CA5A: variants seen among roughly 807,000 people sequenced by gnomAD.
CA5A encodes carbonic anhydrase 5A.
In CA5A, 28 loss-of-function variants were observed where a neutral mutation model predicts 37.1. The ratio of observed to expected loss-of-function variants is 0.75; its 90% CI spans 0.56 to 1.03. The LOEUF (loss-of-function observed/expected upper bound fraction) is 1.03, where lower values mean the gene tolerates loss of function less well. Ranked by LOEUF, CA5A falls within the 50% of genes least tolerant of loss-of-function variation. CA5A has a pLI of 0.00. For missense variants in CA5A, 444 were observed against 399.9 expected, an observed-to-expected ratio of 1.11 and a Z score of -0.94; for synonymous variants, 171 against 158.4, an observed-to-expected ratio of 1.08 and a Z score of -0.60.
intron 5 of CA5A, among the ~76,000 whole-genome samples, chr16:87,896,384 C>G (rs2055803220): frequency 6.6e-6 from 1 of 152,208 alleles, no homozygotes; most frequent in African/African-American, 2.4e-5. Context: ...TGTCCTGTCT[C>G]TAAGATGCAT....
chr16:87,936,308 C>G lies in CA5A; in HGVS notation c.142+1G>C. On this transcript the variant is annotated splice_donor_variant, in intron 1 of 6. Transcript: ENST00000649794. LOFTEE classifies it high-confidence loss of function. The stretch of plus-strand genomic sequence containing the variant: ...CTTAGGAAATTTGAGGCTCTACTTA[C>G]AAGTGTTATTGCTGGTTTGCCATGC... The G allele has an allele frequency of 6.2e-7, 1 of 1,609,462 alleles. No homozygotes were observed. The highest frequency in any genetic ancestry group is 8.5e-7 in the Non-Finnish European group (1 of 1,176,184).
At chr16:87,883,783 C>A (rs150372542), downstream of CA5A, 3,446 of 151,692 alleles carry the variant, frequency 0.023, 31 homozygotes, top group African/African-American at 0.032. Flanking sequence ...ATTACAGGTG[C>A]CTGCCACCAC....
chr16:87,904,853 A>G lies in CA5A; in HGVS notation c.392T>C (p.Phe131Ser). ...CCCCTCGTTCACTGCTCCCCAGTGG[A>G]AGTGAAATTGCTTCAGTCTGTAGTG... ...ENHYRLKQFH[F>S]HWGAVNEGGS... is the part of the protein sequence containing the mutation. Residue 131 changes from phenylalanine (F) to serine (S), a missense_variant, in exon 3 of 7, where the codon TTC becomes TCC. Transcript: ENST00000649794. 1 of 1,613,602 alleles carries G rather than the reference A, an allele frequency of 6.2e-7. No homozygotes were observed. Among genetic ancestry groups the G allele is most frequent in the Non-Finnish European group, 8.5e-7 (1 of 1,179,540 alleles).
chr16:87,920,119 T>C lies in CA5A; in HGVS notation c.340+6629A>G, dbSNP rs544816815. On this transcript the variant is annotated intron_variant, in intron 2 of 6. Transcript: ENST00000649794. ...CTGAGTCACGAAGCATGGACGAGGC[T>C]GAGCTGCAGTCTGCACAGGTGGAGT... Among the ~76,000 whole-genome samples, 15 of 152,256 alleles carry C rather than the reference T, an allele frequency of 9.9e-5. No individual in the cohort carries two copies. In the South Asian group the frequency reaches 3.1e-3, roughly 32 times the overall value.
At chr16:87,912,567 C>T (rs1851593163) in intron 2 of CA5A, among the ~76,000 whole-genome samples, 4 of 152,340 alleles carry the variant, frequency 2.6e-5, no homozygotes, top group African/African-American at 9.6e-5. Flanking sequence ...CCGGGCACCA[C>T]GCTCAGTACA....
chr16:87,892,722 G>A (rs1161567360), intron 5 of CA5A, among the ~76,000 whole-genome samples: 1 of 144,898 alleles, frequency 6.9e-6, no homozygotes, highest in East Asian at 2.0e-4. Flanking sequence ...TGCCCAGGCT[G>A]GAGTGCAATG....
chr16:87,885,459 C>A (rs7201639), downstream of CA5A: 26,538 of 152,364 alleles, frequency 0.17, 2,469 homozygotes, highest in South Asian at 0.27. Flanking sequence ...CAGGAGACAC[C>A]TGGGCACACC....
intron 5 of CA5A, among the ~76,000 whole-genome samples, chr16:87,901,167 T>C (rs1597553107): frequency 6.6e-6 from 1 of 152,034 alleles, no homozygotes; most frequent in Admixed American, 6.6e-5. Flanking sequence ...GAGGCGGAGG[T>C]TGCAGTGAGC....
At chr16:87,924,056 T>C (rs971778178) in intron 2 of CA5A, 4 of 985,298 alleles carry the variant, frequency 4.1e-6, no homozygotes, top group African/African-American at 1.7e-5. Flanking sequence ...GAAAAACCAT[T>C]GGCAACTGAA....
intron 1 of CA5A, among the ~76,000 whole-genome samples, chr16:87,935,912 C>A (rs949334482): frequency 7.2e-5 from 11 of 151,818 alleles, no homozygotes; most frequent in African/African-American, 2.7e-4. Context: ...GTGGCTGATG[C>A]CTGCAATCCC....
Position 87,899,917 on chromosome 16 carries a change from C to T in CA5A, c.618+1995G>A, listed in dbSNP as rs1333430142. On this transcript the variant is annotated intron_variant, in intron 5 of 6. Transcript: ENST00000649794. ...CCTGGGCAACAGAGCGAGATTTTAT[C>T]TCAAAAAAAAAAAAAAAAAAAAAAA... 4.6e-4 allele frequency among the ~76,000 whole-genome samples: 23 copies of T among 50,096 alleles called. No homozygotes were observed. In the Admixed American group the frequency reaches 7.4e-3, roughly 16 times the overall value. The allele number at this position is 50,096 out of a possible 152,430, so 32.9% of individuals were successfully genotyped here. A position where few individuals can be genotyped will look rare whatever the true frequency, so the allele number is the denominator to read the frequency against.
intron 2 of CA5A, among the ~76,000 whole-genome samples, chr16:87,910,281 G>T (rs1469860759): frequency 2.0e-5 from 3 of 152,156 alleles, no homozygotes; most frequent in Admixed American, 2.0e-4. Context: ...GGAGGAGCTG[G>T]CGTTCGCTGG....
At chr16:87,923,453 G>A (rs1362930737) in intron 2 of CA5A, 8 of 741,558 alleles carry the variant, frequency 1.1e-5, no homozygotes, top group Non-Finnish European at 1.2e-5. Flanking sequence ...TTCCCAAAGT[G>A]CTGGGATTAT....
intron 2 of CA5A, among the ~76,000 whole-genome samples, chr16:87,908,143 T>C (rs1273526682): frequency 6.6e-6 from 1 of 152,308 alleles, no homozygotes; most frequent in African/African-American, 2.4e-5. Flanking sequence ...ATCGAGCCTT[T>C]CCCACGGCAG....
At chr16:87,927,783 C>T (rs1316576564) in intron 1 of CA5A, among the ~76,000 whole-genome samples, 3 of 151,448 alleles carry the variant, frequency 2.0e-5, no homozygotes, top group Non-Finnish European at 2.9e-5. Context: ...ATGGCGTGAA[C>T]CCAGGAGGCA....
intron 1 of CA5A, among the ~76,000 whole-genome samples, chr16:87,931,772 G>A (rs529084072): frequency 2.0e-5 from 3 of 152,186 alleles, no homozygotes; most frequent in Non-Finnish European, 4.4e-5. Context: ...GGAAACAGTG[G>A]GCCCTGCGGC....
In CA5A at chr16:87,911,754, G is replaced by C. The variant is rs1041381259; in HGVS notation, c.341-6850C>G. Among the ~76,000 whole-genome samples, 23 of 152,200 alleles carry C rather than the reference G, an allele frequency of 1.5e-4. No individual in the cohort carries two copies. The highest frequency in any genetic ancestry group is 5.3e-4 in the African/African-American group (22 of 41,454). On this transcript the variant is annotated intron_variant, in intron 2 of 6. Coordinates refer to ENST00000649794, the MANE Select transcript of CA5A (RefSeq NM_001739.2). The surrounding 1 kb of genome is among the most constrained non-coding windows in gnomAD (Gnocchi z 4.6). Reference sequence around the variant, plus strand: ...TCTGAGACCATCACATATTGGCACTGGTTTGAAAGCCAGGCAAATGTGGGC... The same window carrying C: ...TCTGAGACCATCACATATTGGCACTCGTTTGAAAGCCAGGCAAATGTGGGC...
chr16:87,906,253 G>T (rs2055959738), intron 2 of CA5A, among the ~76,000 whole-genome samples: 1 of 98,294 alleles, frequency 1.0e-5, no homozygotes, highest in Non-Finnish European at 2.1e-5. Context: ...TCCCGCTGTG[G>T]CAAAAGCCAG....
chr16:87,922,296 G>A (rs867502883), intron 2 of CA5A, among the ~76,000 whole-genome samples: 2 of 152,128 alleles, frequency 1.3e-5, no homozygotes, highest in African/African-American at 4.8e-5. Flanking sequence ...GGAAAGTTGC[G>A]AGGCTGTTCC....
Sources: allele counts gnomAD v4.1 joint callset (sites outside exome capture counted in the v4.1 genomes callset), GRCh38; gene constraint gnomAD v4.1.1; non-coding constraint Gnocchi (gnomAD v3.1); transcripts MANE v1.5; gene names NCBI Gene and HGNC (gene_info 2026-07-23, HGNC 2026-07-21).